Variants in PSG6 observed in about 807,000 individuals in gnomAD.
PSG6 encodes pregnancy specific beta-1-glycoprotein 6.
PSG6 carries 51 observed loss-of-function variants against 43.3 expected under a neutral mutation model. The observed-to-expected ratio is 1.18, with a 90% CI of 0.94 to 1.49. The LOEUF (loss-of-function observed/expected upper bound fraction) is 1.49. Among genes scored for constraint, PSG6 ranks in the 40% most tolerant of loss-of-function variants. The probability of loss-of-function intolerance (pLI) is 0.00; values close to 1 mark genes in which losing one functional copy is unlikely to be tolerated. For synonymous variants in PSG6, 292 were observed against 197.6 expected (o/e 1.48, Z -4.01); for missense variants, 770 against 522.2 (o/e 1.47, Z -4.62).
intron 4 of PSG6, 55 bp downstream of exon 4, chr19:42,907,521 G>T (rs1972137541): frequency 1.9e-6 from 3 of 1,604,014 alleles, no homozygotes; most frequent in Non-Finnish European, 2.6e-6. Flanking sequence ...CCTGGCCTCT[G>T]GTCGTTTGGA....
chr19:42,906,063 G>A (rs940933538), intron 5 of PSG6, among the ~76,000 whole-genome samples: 4 of 151,572 alleles, frequency 2.6e-5, no homozygotes, highest in Non-Finnish European at 5.9e-5. Context: ...TATATATAAA[G>A]TGTCTCGTGG....
chr19:42,909,980 A>G (rs943631203), intron 3 of PSG6: 8 of 157,088 alleles, frequency 5.1e-5, no homozygotes, highest in African/African-American at 1.7e-4. Flanking sequence ...TATGGATGAA[A>G]CAGACATAGA....
rs376440953 is a variant in PSG6 at position 42,910,575 on chromosome 19, C to G, written c.706+5G>C. On this transcript the variant is annotated splice_donor_5th_base_variant and intron_variant, in intron 3 of 5. Coordinates refer to ENST00000187910, the MANE Select transcript of PSG6 (RefSeq NM_001031850.4). ...CTGGCTCACAGAGGAACAGAAGATA[C>G]TCACGGAGGAGATTCAGGGTGACTG... 63 of 1,612,544 alleles carry G rather than the reference C, an allele frequency of 3.9e-5. No individual in the cohort carries two copies. The African/African-American group carries it at 6.8e-4, about 17-fold the overall frequency.
Position 42,902,374 on chromosome 19 carries a change from A to T in PSG6, c.*38T>A, listed in dbSNP as rs751246724. ...TGTCTTGAATTTCATGAAGGTATCA[A>T]CCTGTTCTTTTTCTCAGTGTCTCTA... On this transcript the variant is annotated 3_prime_UTR_variant, in exon 6 of 6. Transcript: ENST00000187910. 7.5e-6 allele frequency: 12 copies of T among 1,606,438 alleles called. No homozygotes were observed.
At chr19:42,914,688 A>G (rs528541205) in intron 2 of PSG6, among the ~76,000 whole-genome samples, 2 of 151,534 alleles carry the variant, frequency 1.3e-5, no homozygotes, top group African/African-American at 4.8e-5. Context: ...TAGGATTCTG[A>G]TTCCAAGATC....
At position 42,903,720 on chromosome 19, in the gene PSG6, C is replaced by T. The variant is rs1233912497; in HGVS notation, c.1241-1274G>A. On this transcript the variant is annotated intron_variant, in intron 5 of 5. Transcript: ENST00000187910. The stretch of plus-strand genomic sequence containing the variant: ...CATAGGTAACCTGGGGAGATGCTGT[C>T]TCTACAAAAAAAAAAAAAACCAATT... The T allele has an allele frequency of 1.5e-4, 231 of 1,491,138 alleles. 9 individuals carry two copies. The highest frequency in any genetic ancestry group is 2.0e-4 in the Non-Finnish European group (228 of 1,124,528). 92.4% of individuals were successfully genotyped at this position (1,491,138 alleles called of 1,614,324 possible). A position where few individuals can be genotyped will look rare whatever the true frequency, so the allele number is the denominator to read the frequency against.
Position 42,907,643 on chromosome 19 carries a change from G to T in PSG6, c.918C>A (p.Pro306=), listed in dbSNP as rs767074930. The change falls in exon 4 of 6, where the codon CCC becomes CCA. Residue 306 remains proline (P), a synonymous_variant. Transcript: ENST00000187910. ...ATCGGTCCCGTATTTCACATTGATA[G>T]GGTCCTGTTTCATTTCTCGTGACAC... The part of the protein sequence containing the change: ...LPSVTRNETG[P]YQCEIRDRYG... 7 of 1,611,684 alleles carry T rather than the reference G, an allele frequency of 4.3e-6. No individual in the cohort carries two copies. The South Asian group carries it at 4.4e-5, about 10-fold the overall frequency.
chr19:42,916,767 G>C (rs528647472), intron 1 of PSG6, among the ~76,000 whole-genome samples: 1 of 150,976 alleles, frequency 6.6e-6, no homozygotes, highest in African/African-American at 2.4e-5. Context: ...CCAGGGGTCC[G>C]CACGGCCCCC....
chr19:42,908,533 A>G (rs939604612), intron 3 of PSG6, among the ~76,000 whole-genome samples: 14 of 151,738 alleles, frequency 9.2e-5, no homozygotes, highest in Admixed American at 4.6e-4. Context: ...AGAAAGAGTG[A>G]AGGGGACAGG....
At chr19:42,916,889 C>T (rs1229054861) in intron 1 of PSG6, among the ~76,000 whole-genome samples, 5 of 151,450 alleles carry the variant, frequency 3.3e-5, no homozygotes, top group Non-Finnish European at 7.4e-5. Context: ...GCTCTGCTCC[C>T]TCTAGGGTTC....
chr19:42,915,940 G>A, intron 2 of PSG6, 185 bp downstream of exon 2: 1 of 970,730 alleles, frequency 1.0e-6, no homozygotes, highest in Non-Finnish European at 1.5e-6. Flanking sequence ...CTGGATGCGG[G>A]AAAGGAATTC....
At chr19:42,913,842 C>G (rs990338806) in intron 2 of PSG6, among the ~76,000 whole-genome samples, 25 of 151,604 alleles carry the variant, frequency 1.6e-4, no homozygotes, top group East Asian at 3.9e-4. Context: ...TCCCTCCGCC[C>G]GCATGATTCC....
At chr19:42,907,949 C>G in intron 3 of PSG6, 95 bp from the exon 4 acceptor site, 1 of 1,524,536 alleles carries the variant, frequency 6.6e-7, no homozygotes, top group Non-Finnish European at 8.9e-7. Context: ...TGTCAACCCA[C>G]ATGAGTCCTT....
At chr19:42,909,996 C>T (rs895865932) in intron 3 of PSG6, 2 of 166,782 alleles carry the variant, frequency 1.2e-5, no homozygotes, top group Non-Finnish European at 2.6e-5. Flanking sequence ...ATAGACCCCT[C>T]TATATGTTTT....
intron 2 of PSG6, among the ~76,000 whole-genome samples, chr19:42,911,545 A>G (rs1972226186): frequency 6.6e-6 from 1 of 151,692 alleles, no homozygotes; most frequent in African/African-American, 2.4e-5. Context: ...AGGGACAGGC[A>G]AGAGCTGATA....
At position 42,902,356 on chromosome 19, in the gene PSG6, A is replaced by C; in HGVS notation, c.*56T>G. 6.3e-7 allele frequency: 1 copy of C among 1,586,182 alleles called. No homozygotes were observed. The highest frequency in any genetic ancestry group is 8.6e-7 in the Non-Finnish European group (1 of 1,162,788). ...TTGAGTTTTTTTCTTCTTTGTCTTGAATTTCATGAAGGTATCAACCTGTTC... is the reference window on the plus strand; with the variant it reads ...TTGAGTTTTTTTCTTCTTTGTCTTGCATTTCATGAAGGTATCAACCTGTTC... On this transcript the variant is annotated 3_prime_UTR_variant, in exon 6 of 6. Coordinates refer to ENST00000187910, the MANE Select transcript of PSG6 (RefSeq NM_001031850.4).
At chr19:42,903,330 C>G (rs1239197413) in intron 5 of PSG6, among the ~76,000 whole-genome samples, 1 of 151,394 alleles carries the variant, frequency 6.6e-6, no homozygotes, top group African/African-American at 2.4e-5. Context: ...ACTGTAAACT[C>G]TTACATTAAA....
rs1415023233 is a variant in PSG6, at chr19:42,910,885, C to T, written c.428-27G>A. 4 of 1,582,464 alleles carry T rather than the reference C, an allele frequency of 2.5e-6. 1 individual carries two copies. The Admixed American group carries it at 5.3e-5, about 21-fold the overall frequency. ...TGTGCAGAAAACAGAGAGAAGATTG[C>T]CCTGTGTGGCACCTTTGATTCCTCC... On this transcript the variant is annotated intron_variant, in intron 2 of 5. Coordinates refer to ENST00000187910, the MANE Select transcript of PSG6 (RefSeq NM_001031850.4).
At chr19:42,907,425 A>T (rs1229603307) in intron 4 of PSG6, 151 bp downstream of exon 4, 1 of 1,494,562 alleles carries the variant, frequency 6.7e-7, no homozygotes, top group Non-Finnish European at 9.0e-7. Context: ...GTGCCTACCC[A>T]GGATTTCCCA....
Sources: allele counts gnomAD v4.1 joint callset (sites outside exome capture counted in the v4.1 genomes callset), GRCh38; gene constraint gnomAD v4.1.1; transcripts MANE v1.5; gene names NCBI Gene and HGNC (gene_info 2026-07-23, HGNC 2026-07-21).